Variants in NCAM2 observed in about 807,000 individuals in gnomAD.
NCAM2 encodes neural cell adhesion molecule 2.
In NCAM2, 30 loss-of-function variants were observed where a neutral mutation model predicts 98.1. That is an observed-to-expected ratio of 0.31 (90% CI 0.23 to 0.41). The LOEUF (loss-of-function observed/expected upper bound fraction) is 0.41, where lower values mean the gene tolerates loss of function less well. NCAM2 is among the 10% of genes least tolerant of loss of function. NCAM2 has a pLI of 1.00. For synonymous variants in NCAM2, 368 were observed against 342.4 expected, an observed-to-expected ratio of 1.07 and a Z score of -0.83; for missense variants, 867 against 1,005.8, an observed-to-expected ratio of 0.86 and a Z score of 1.87.
rs141882329 is a variant in NCAM2 at position 21,090,582 on chromosome 21, C to T, written c.55+91964C>T. Among the ~76,000 whole-genome samples, 481 of 152,290 alleles carry T rather than the reference C, an allele frequency of 3.2e-3. 3 individuals are homozygous for T. The highest frequency in any genetic ancestry group is 0.011 in the African/African-American group (441 of 41,570). ...AATGCTGCCTGCCTTCACCACTCTG[C>T]CCCCAGTGTGTATATCTATACAGCA... is the stretch of plus-strand genomic sequence containing the variant. On this transcript the variant is annotated intron_variant, in intron 1 of 17. Transcript: ENST00000400546.
chr21:21,411,955 A>G (rs918014989), intron 10 of NCAM2, among the ~76,000 whole-genome samples: 1 of 152,174 alleles, frequency 6.6e-6, no homozygotes, highest in African/African-American at 2.4e-5. Flanking sequence ...AGGGATGTCA[A>G]TTTCATAAAA....
At chr21:21,379,966 A>G (rs1355548780) in intron 9 of NCAM2, among the ~76,000 whole-genome samples, 1 of 152,126 alleles carries the variant, frequency 6.6e-6, no homozygotes, top group African/African-American at 2.4e-5. Flanking sequence ...GGCATCCAGC[A>G]TGGAAGAAAG....
At chr21:21,192,100 C>G (rs975092991) in intron 1 of NCAM2, among the ~76,000 whole-genome samples, 2 of 151,924 alleles carry the variant, frequency 1.3e-5, no homozygotes, top group Non-Finnish European at 2.9e-5. Flanking sequence ...GCGCGCTGCT[C>G]TAATCCCAGC....
chr21:21,287,276 A>G (rs891587081), intron 4 of NCAM2, among the ~76,000 whole-genome samples: 7 of 152,002 alleles, frequency 4.6e-5, no homozygotes, highest in African/African-American at 1.7e-4. Context: ...TCTACAGCAT[A>G]AAGAAGAGAC....
chr21:21,269,586 T>C (rs887020067), intron 1 of NCAM2, among the ~76,000 whole-genome samples: 1 of 152,196 alleles, frequency 6.6e-6, no homozygotes, highest in Admixed American at 6.6e-5. Flanking sequence ...GGTATGCCTT[T>C]AGAAATATTT....
At chr21:21,484,577 A>G (rs1986183692) in intron 15 of NCAM2, among the ~76,000 whole-genome samples, 1 of 152,136 alleles carries the variant, frequency 6.6e-6, no homozygotes, top group Admixed American at 6.6e-5. Context: ...TTGTTATATC[A>G]TATGGTATAT....
intron 1 of NCAM2, among the ~76,000 whole-genome samples, chr21:21,036,232 A>G (rs1774403881): frequency 6.6e-6 from 1 of 152,198 alleles, no homozygotes; most frequent in Non-Finnish European, 1.5e-5. Flanking sequence ...TGCCAAATTG[A>G]TAACTAAAAG....
At chr21:21,356,857 G>A (rs1038744661) in intron 8 of NCAM2, among the ~76,000 whole-genome samples, 2 of 152,064 alleles carry the variant, frequency 1.3e-5, no homozygotes, top group African/African-American at 4.8e-5. Context: ...GGGCGTGGTG[G>A]CACATGCCTG....
intron 1 of NCAM2, among the ~76,000 whole-genome samples, chr21:21,071,288 CAT>C (rs1355248114): frequency 2.0e-5 from 3 of 152,140 alleles, no homozygotes. Flanking sequence ...AAATGAGAAA[CAT>C]GTGCCTGCTA....
chr21:21,274,182 A>AAT (rs1555850595), intron 1 of NCAM2, among the ~76,000 whole-genome samples: 6 of 149,498 alleles, frequency 4.0e-5, no homozygotes, highest in East Asian at 2.0e-4. Context: ...AAAAAAAAAA[A>AAT]TTTTAATCAC....
intron 1 of NCAM2, among the ~76,000 whole-genome samples, chr21:21,214,746 T>TATATATAC (rs11268201): frequency 0.085 from 8,549 of 100,498 alleles, 596 homozygotes; most frequent in Non-Finnish European, 0.13. Context: ...TATATATATA[T>TATATATAC]ACACTATATA....
chr21:21,126,039 T>C (rs1259971823), intron 1 of NCAM2, among the ~76,000 whole-genome samples: 1 of 151,812 alleles, frequency 6.6e-6, no homozygotes, highest in East Asian at 1.9e-4. Flanking sequence ...GTAATGTTTG[T>C]CTAACACGCG....
intron 8 of NCAM2, among the ~76,000 whole-genome samples, chr21:21,365,238 CGTGTGT>C (rs66559489): frequency 0.16 from 23,888 of 146,842 alleles, 2,128 homozygotes; most frequent in South Asian, 0.24. Flanking sequence ...TTGCTTAGTG[CGTGTGT>C]GTGTGTGTGT....
chr21:21,392,556 C>G (rs1408448896), intron 9 of NCAM2, among the ~76,000 whole-genome samples: 3 of 152,204 alleles, frequency 2.0e-5, no homozygotes, highest in Non-Finnish European at 4.4e-5. Flanking sequence ...AACTAATATA[C>G]ACTGCCACCA....
intron 5 of NCAM2, among the ~76,000 whole-genome samples, chr21:21,293,288 A>T (rs1427597128): frequency 1.3e-5 from 2 of 149,064 alleles, no homozygotes; most frequent in African/African-American, 4.9e-5. Context: ...TGGTGATCTA[A>T]TTTTTTTTTT....
intron 1 of NCAM2, among the ~76,000 whole-genome samples, chr21:21,165,278 A>G (rs1183749671): frequency 2.0e-5 from 3 of 152,204 alleles, no homozygotes; most frequent in South Asian, 2.1e-4. Context: ...AGTGCTGTCC[A>G]CTAGAGTAGT....
At chr21:21,291,952 A>T in intron 4 of NCAM2, 152 bp from the exon 5 acceptor site, 1 of 637,554 alleles carries the variant, frequency 1.6e-6, no homozygotes, top group Non-Finnish European at 2.4e-6. Flanking sequence ...GAAGTCATGA[A>T]ATTACATTTT....
At chr21:21,444,750 GTCTA>G (rs956275573) in intron 12 of NCAM2, among the ~76,000 whole-genome samples, 88 of 151,968 alleles carry the variant, frequency 5.8e-4, no homozygotes, top group African/African-American at 2.1e-3. Context: ...CTAGTTAGTG[GTCTA>G]TCTATTTTGT....
In NCAM2 at chr21:21,344,213, C is replaced by T. The variant is rs1263409355; in HGVS notation, c.1044+5679C>T. ...CATTCATCAATGGCTAACTAAAGAG[C>T]CCTTGGGCCCTGAATAATCCACAGT... On this transcript the variant is annotated intron_variant, in intron 8 of 17. Transcript: ENST00000400546. Among the ~76,000 whole-genome samples the T allele has an allele frequency of 2.0e-5, 3 of 152,256 alleles. No individual in the cohort carries two copies. In the East Asian group the frequency reaches 5.8e-4, roughly 29 times the overall value.
Sources: gnomAD v4.1 joint callset for allele counts (sites outside exome capture counted in the v4.1 genomes callset) on GRCh38, gnomAD v4.1.1 for gene constraint, MANE v1.5 for transcripts, NCBI Gene and HGNC (gene_info 2026-07-23, HGNC 2026-07-21) for gene names.